The following FAM168A variants were observed in gnomAD, a reference collection of about 807,000 sequenced individuals.
The protein encoded by FAM168A is family with sequence similarity 168 member A.
A neutral mutation model predicts 28.5 loss-of-function variants in FAM168A; 3 were observed. The ratio of observed to expected loss-of-function variants is 0.11; its 90% confidence interval spans 0.05 to 0.27. The LOEUF is 0.27. Ranked by LOEUF, FAM168A falls within the 10% of genes least tolerant of loss-of-function variation. FAM168A has a pLI of 1.00. For synonymous variants in FAM168A, 122 were observed against 124.2 expected (o/e 0.98, Z 0.12); for missense variants, 222 against 311.5 (o/e 0.71, Z 2.16).
chr11:73,487,185 T>C (rs768865651), intron 1 of FAM168A, among the ~76,000 whole-genome samples: 1 of 152,246 alleles, frequency 6.6e-6, no homozygotes, highest in South Asian at 2.1e-4. Context: ...CCAACTCTCA[T>C]CACTCTCCCC....
intron 3 of FAM168A, among the ~76,000 whole-genome samples, chr11:73,427,433 GCCT>G (rs1171707365): frequency 6.6e-6 from 1 of 152,080 alleles, no homozygotes; most frequent in Non-Finnish European, 1.5e-5. Flanking sequence ...TACAGTTTCA[GCCT>G]CCTCCTATCT....
chr11:73,537,513 G>A (rs1943597418), intron 1 of FAM168A, among the ~76,000 whole-genome samples: 1 of 152,112 alleles, frequency 6.6e-6, no homozygotes, highest in African/African-American at 2.4e-5. Context: ...GAGTGAGAGT[G>A]GCTATAATCT....
intron 1 of FAM168A, among the ~76,000 whole-genome samples, chr11:73,488,653 C>T (rs756827260): frequency 3.9e-5 from 6 of 152,108 alleles, no homozygotes; most frequent in Non-Finnish European, 8.8e-5. Flanking sequence ...CTCCTATCAC[C>T]GTGGATGAAC....
At chr11:73,471,048 A>T (rs915011491) in intron 1 of FAM168A, among the ~76,000 whole-genome samples, 2 of 152,180 alleles carry the variant, frequency 1.3e-5, no homozygotes, top group Non-Finnish European at 2.9e-5. Context: ...TTAATGACTG[A>T]CAGAAATGAG....
At chr11:73,513,205 A>ATTTTTTTTTTT (rs1046600591) in intron 1 of FAM168A, among the ~76,000 whole-genome samples, 1 of 109,378 alleles carries the variant, frequency 9.1e-6, no homozygotes, top group Non-Finnish European at 1.8e-5. Context: ...TTTTTTTTTA[A>ATTTTTTTTTTT]TTTTTTTTTT....
chr11:73,471,548 A>G (rs1025632139), intron 1 of FAM168A, among the ~76,000 whole-genome samples: 19 of 152,232 alleles, frequency 1.2e-4, no homozygotes, highest in African/African-American at 4.6e-4. Context: ...TAATACCACC[A>G]GCCTTCTTCA....
intron 1 of FAM168A, among the ~76,000 whole-genome samples, chr11:73,523,585 G>A (rs1207962001): frequency 3.3e-5 from 5 of 151,962 alleles, no homozygotes; most frequent in East Asian, 1.9e-4. Flanking sequence ...TGGTAATCAC[G>A]TTCAACTTTT....
intron 4 of FAM168A, 108 bp from the exon 5 acceptor site, chr11:73,411,644 G>A: frequency 8.4e-7 from 1 of 1,183,992 alleles, no homozygotes; most frequent in Non-Finnish European, 1.2e-6. Flanking sequence ...CTGAATCCAG[G>A]CTGGAAACAG....
At chr11:73,508,633 T>C (rs12277924) in intron 1 of FAM168A, among the ~76,000 whole-genome samples, 31,625 of 151,884 alleles carry the variant, frequency 0.21, 5,469 homozygotes, top group African/African-American at 0.48. Flanking sequence ...TGTGTGCATA[T>C]GTGGGTGTGT....
At chr11:73,555,121 C>A (rs367996886) in intron 1 of FAM168A, among the ~76,000 whole-genome samples, 1 of 152,296 alleles carries the variant, frequency 6.6e-6, no homozygotes, top group East Asian at 1.9e-4. Flanking sequence ...ATAGAAACAG[C>A]TTAACATGCC....
At chr11:73,571,587 G>C (rs1442383003) in intron 1 of FAM168A, among the ~76,000 whole-genome samples, 1 of 151,446 alleles carries the variant, frequency 6.6e-6, no homozygotes, top group African/African-American at 2.4e-5. Context: ...GTGTGATCTC[G>C]GCTCGCTACA....
intron 3 of FAM168A, among the ~76,000 whole-genome samples, chr11:73,420,635 C>G (rs1287951429): frequency 6.6e-6 from 1 of 152,244 alleles, no homozygotes; most frequent in Non-Finnish European, 1.5e-5. Flanking sequence ...GACAGACATA[C>G]TTCTTGCATA....
rs998743594 is a variant in FAM168A, at chr11:73,543,504, A to G, written c.-19+54419T>C. ...TCAAACTCCCGACTTCAGGTGATCC[A>G]CCCACCTCGGTCTCCCAAAGTGCTG... On this transcript the variant is annotated intron_variant, in intron 1 of 7. Coordinates refer to ENST00000356467, the MANE Select transcript of FAM168A (RefSeq NM_015159.3). Among the ~76,000 whole-genome samples the G allele has an allele frequency of 6.6e-5, 10 of 151,880 alleles. 1 individual carries two copies. Among genetic ancestry groups the G allele is most frequent in the African/African-American group, 2.4e-4 (10 of 41,442 alleles).
intron 2 of FAM168A, among the ~76,000 whole-genome samples, chr11:73,448,870 C>A (rs958967474): frequency 5.9e-5 from 9 of 152,206 alleles, no homozygotes; most frequent in Admixed American, 4.6e-4. Flanking sequence ...CACTGACCTT[C>A]AGACTTCTTT....
At chr11:73,481,282 T>C (rs2134593951) in intron 1 of FAM168A, among the ~76,000 whole-genome samples, 1 of 152,350 alleles carries the variant, frequency 6.6e-6, no homozygotes, top group East Asian at 1.9e-4. Flanking sequence ...GGGATGTTTC[T>C]GTAACATTTA....
chr11:73,505,319 T>C (rs1855088494), intron 1 of FAM168A, among the ~76,000 whole-genome samples: 1 of 151,956 alleles, frequency 6.6e-6, no homozygotes, highest in South Asian at 2.1e-4. Context: ...AACCTTCTTG[T>C]GTTCTTTGAA....
At chr11:73,414,393 CA>C (rs1251277794) in intron 4 of FAM168A, among the ~76,000 whole-genome samples, 3 of 152,148 alleles carry the variant, frequency 2.0e-5, no homozygotes, top group African/African-American at 7.2e-5. Context: ...AGGAATATAT[CA>C]AGGTGTAGAG....
chr11:73,552,031 A>C (rs183876352), intron 1 of FAM168A, among the ~76,000 whole-genome samples: 69 of 152,326 alleles, frequency 4.5e-4, no homozygotes, highest in African/African-American at 1.7e-3. Context: ...AATATCTTTC[A>C]GTTTTACCTC....
At position 73,405,496 on chromosome 11, in the gene FAM168A, C is replaced by T. The variant is rs1007413687; in HGVS notation, c.*1267G>A. The T allele has an allele frequency of 2.6e-5, 4 of 152,228 alleles. No individual in the cohort carries two copies. The highest frequency in any genetic ancestry group is 9.7e-5 in the African/African-American group (4 of 41,450). 9.4% of individuals were successfully genotyped at this position (152,228 alleles called of 1,614,324 possible). A position where few individuals can be genotyped will look rare whatever the true frequency, so the allele number is the denominator to read the frequency against. On this transcript the variant is annotated 3_prime_UTR_variant, in exon 8 of 8. Coordinates refer to ENST00000356467, the MANE Select transcript of FAM168A (RefSeq NM_015159.3). ...GAAGGCTGCATTTAATGCTAATTTA[C>T]TGTAAGGTCTAGGGAAGTCCTTTCC...
Sources: gnomAD v4.1 joint callset for allele counts (sites outside exome capture counted in the v4.1 genomes callset) on GRCh38, gnomAD v4.1.1 for gene constraint, MANE v1.5 for transcripts, NCBI Gene and HGNC (gene_info 2026-07-23, HGNC 2026-07-21) for gene names.